COL28A1: variants seen among roughly 807,000 people sequenced by gnomAD.
COL28A1 encodes collagen alpha-1(XXVIII) chain.
A neutral mutation model predicts 150.2 loss-of-function variants in COL28A1; 161 were observed. The observed-to-expected ratio is 1.07, with a 90% CI of 0.94 to 1.22. The LOEUF is 1.22. Ranked by LOEUF, COL28A1 falls within the 50% of genes most tolerant of loss-of-function variation. COL28A1 has a pLI of 0.00. For synonymous variants in COL28A1, 552 were observed against 469.7 expected (o/e 1.18, Z -2.26); for missense variants, 1,617 against 1,388.3 (o/e 1.16, Z -2.62).
intron 3 of COL28A1, among the ~76,000 whole-genome samples, chr7:7,527,727 A>G (rs1782109729): frequency 6.6e-6 from 1 of 152,240 alleles, no homozygotes; most frequent in African/African-American, 2.4e-5. Context: ...TAATGGATTC[A>G]TATATATGGC....
At chr7:7,388,623 A>G (rs899647362) in intron 27 of COL28A1, among the ~76,000 whole-genome samples, 4 of 145,982 alleles carry the variant, frequency 2.7e-5, no homozygotes, top group African/African-American at 1.0e-4. Flanking sequence ...ACTCCCACCA[A>G]CACTGTAAAA....
intron 3 of COL28A1, among the ~76,000 whole-genome samples, chr7:7,525,241 A>G (rs1221841830): frequency 6.6e-6 from 1 of 152,238 alleles, no homozygotes; most frequent in Non-Finnish European, 1.5e-5. Flanking sequence ...GACCGTCTTC[A>G]GTGCATGTCA....
chr7:7,380,331 T>C (rs1781802214), intron 30 of COL28A1, among the ~76,000 whole-genome samples: 1 of 152,140 alleles, frequency 6.6e-6, no homozygotes, highest in African/African-American at 2.4e-5. Context: ...ACGAACCACA[T>C]AAATTAAAGT....
intron 18 of COL28A1, among the ~76,000 whole-genome samples, chr7:7,449,513 T>G (rs1204502013): frequency 6.6e-6 from 1 of 151,446 alleles, no homozygotes; most frequent in African/African-American, 2.4e-5. Context: ...ATTGTACAAG[T>G]GATCCTAGCA....
At chr7:7,512,864 C>G (rs534502951) in intron 8 of COL28A1, among the ~76,000 whole-genome samples, 2 of 152,348 alleles carry the variant, frequency 1.3e-5, no homozygotes, top group South Asian at 4.1e-4. Flanking sequence ...CTTCTTTATT[C>G]TGCCTCTGTA....
intron 30 of COL28A1, among the ~76,000 whole-genome samples, chr7:7,379,427 C>G (rs1369298803): frequency 6.6e-6 from 1 of 152,120 alleles, no homozygotes; most frequent in African/African-American, 2.4e-5. Flanking sequence ...CCTATCCTGC[C>G]CTCAAACACC....
chr7:7,476,137 A>G (rs1788859808), intron 14 of COL28A1, among the ~76,000 whole-genome samples: 1 of 152,154 alleles, frequency 6.6e-6, no homozygotes, highest in African/African-American at 2.4e-5. Flanking sequence ...GGAATGACTG[A>G]TGTGGAGGGT....
chr7:7,474,299 G>T (rs922854215), intron 15 of COL28A1, among the ~76,000 whole-genome samples: 1 of 151,944 alleles, frequency 6.6e-6, no homozygotes, highest in Non-Finnish European at 1.5e-5. Flanking sequence ...GCAAAAGGGT[G>T]GGAAGAGGGT....
In COL28A1 at chr7:7,474,783, C is replaced by T. The variant is rs894202874; in HGVS notation, c.1234-114G>A. The T allele has an allele frequency of 1.7e-5, 11 of 665,866 alleles. No individual in the cohort carries two copies. The African/African-American group carries it at 1.8e-4, about 11-fold the overall frequency. The allele number at this position is 665,866 out of a possible 1,614,324, so 41.2% of individuals were successfully genotyped here. A position where few individuals can be genotyped will look rare whatever the true frequency, so the allele number is the denominator to read the frequency against. ...AAAATTATTTTTTAAATAAAGCATC[C>T]AAAGTCACTGTTTACTACAAATGGG... On this transcript the variant is annotated intron_variant, in intron 14 of 34. Coordinates refer to ENST00000399429, the MANE Select transcript of COL28A1 (RefSeq NM_001037763.3).
the COL28A1 span, among the ~76,000 whole-genome samples, chr7:7,542,710 T>C: frequency 6.6e-6 from 1 of 152,154 alleles, no homozygotes; most frequent in Non-Finnish European, 1.5e-5. Context: ...TTAAGCAGGG[T>C]TGTGACATGA....
intron 27 of COL28A1, among the ~76,000 whole-genome samples, chr7:7,383,338 G>A (rs1286466938): frequency 6.7e-6 from 1 of 150,014 alleles, no homozygotes; most frequent in Non-Finnish European, 1.5e-5. Context: ...GAGTGCAGTG[G>A]TGTGATCTCA....
At chr7:7,380,730 G>C (rs1047157093) in intron 29 of COL28A1, 35 bp from the exon 30 acceptor site, 47 of 1,612,888 alleles carry the variant, frequency 2.9e-5, no homozygotes, top group Non-Finnish European at 4.0e-5. Flanking sequence ...GTCAATATAG[G>C]TTGGAACCAG....
chr7:7,437,828 T>C (rs941117053), intron 21 of COL28A1, among the ~76,000 whole-genome samples: 2 of 152,168 alleles, frequency 1.3e-5, no homozygotes, highest in African/African-American at 4.8e-5. Flanking sequence ...CTTCAGCAAA[T>C]GTTTTAGGGT....
chr7:7,433,321 T>A (rs1175676448), intron 23 of COL28A1, among the ~76,000 whole-genome samples: 1 of 151,978 alleles, frequency 6.6e-6, no homozygotes, highest in African/African-American at 2.4e-5. Context: ...AGAAAAAAAT[T>A]AAGAAGGATC....
intron 27 of COL28A1, among the ~76,000 whole-genome samples, chr7:7,387,237 G>A (rs540122030): frequency 6.6e-6 from 1 of 152,258 alleles, no homozygotes; most frequent in African/African-American, 2.4e-5. Context: ...CCTACTATTT[G>A]TGGAGGGTCA....
intron 27 of COL28A1, among the ~76,000 whole-genome samples, chr7:7,413,138 C>T (rs75625495): frequency 0.018 from 2,662 of 152,076 alleles, 103 homozygotes; most frequent in African/African-American, 0.06. Context: ...TTTTGGGGAC[C>T]CCAGGGTTTC....
At chr7:7,338,774 G>C in the COL28A1 span, among the ~76,000 whole-genome samples, 2 of 152,050 alleles carry the variant, frequency 1.3e-5, no homozygotes, top group Admixed American at 1.3e-4. Flanking sequence ...CTCCTACCAA[G>C]AGGTCAATCC....
chr7:7,422,394 G>A (rs1784424120), intron 25 of COL28A1, among the ~76,000 whole-genome samples: 1 of 152,074 alleles, frequency 6.6e-6, no homozygotes, highest in African/African-American at 2.4e-5. Flanking sequence ...ACTCTGGCAG[G>A]CCGAGGTGGG....
Position 7,448,975 on chromosome 7 carries a change from G to T in COL28A1, c.1509+3344C>A, listed in dbSNP as rs116374817. Among the ~76,000 whole-genome samples the T allele has an allele frequency of 5.4e-3, 827 of 152,178 alleles. 10 individuals are homozygous for T. The highest frequency in any genetic ancestry group is 0.019 in the African/African-American group (795 of 41,542). On this transcript the variant is annotated intron_variant, in intron 18 of 34. Transcript: ENST00000399429. ...GGGAAGCCTATTAGTGAACATAGAA[G>T]AAGTTACAGAGGGATAGAAGGACAG...
Sources: gnomAD v4.1 joint callset for allele counts (sites outside exome capture counted in the v4.1 genomes callset) on GRCh38, gnomAD v4.1.1 for gene constraint, MANE v1.5 for transcripts, NCBI Gene and HGNC (gene_info 2026-07-23, HGNC 2026-07-21) for gene names.